The following POR variants were observed in gnomAD, a reference collection of about 807,000 sequenced individuals.
The protein encoded by POR is NADPH--cytochrome P450 reductase.
POR carries 56 observed loss-of-function variants against 84.0 expected under a neutral mutation model. The ratio of observed to expected loss-of-function variants is 0.67; its 90% CI spans 0.54 to 0.83. The LOEUF is 0.83. POR is among the 40% of genes least tolerant of loss of function. The pLI, the probability that POR is intolerant of heterozygous loss-of-function variation, is 0.00. For missense variants in POR, 938 were observed against 944.3 expected (o/e 0.99, Z 0.09); for synonymous variants, 414 against 400.5 (o/e 1.03, Z -0.40).
chr7:75,947,624 A>T (rs1787238927), intron 1 of POR, among the ~76,000 whole-genome samples: 1 of 152,088 alleles, frequency 6.6e-6, no homozygotes. Flanking sequence ...TTTGCGCTTA[A>T]ATGTTTTTGA....
At position 75,986,378 on chromosome 7, in the gene POR, A is replaced by G. The variant is rs1563436647; in HGVS notation, c.1940A>G (p.Tyr647Cys). 1 of 1,612,488 alleles carries G rather than the reference A, an allele frequency of 6.2e-7. No homozygotes were observed. The highest frequency in any genetic ancestry group is 1.1e-5 in the South Asian group (1 of 91,076). ...GCCAGGGATGTGCAGAACACCTTCTACGACATCGTGGCTGAGCTCGGGGCC... is the reference window on the plus strand; with the variant it reads ...GCCAGGGATGTGCAGAACACCTTCTGCGACATCGTGGCTGAGCTCGGGGCC... The change falls in exon 16 of 16, where the codon TAC becomes TGC. Residue 647 changes from tyrosine to cysteine, a missense_variant. Transcript: ENST00000461988.
In POR at chr7:75,956,915, G is replaced by A. The variant is rs572446345; in HGVS notation, c.188+2735G>A. On this transcript the variant is annotated intron_variant, in intron 2 of 15. Coordinates refer to ENST00000461988, the MANE Select transcript of POR (RefSeq NM_000941.3). ...TAATTTTTGTATTTTTAGTAGAGAC[G>A]GGGTTTCACCATGTTGGCCAGGCTG... Among the ~76,000 whole-genome samples the A allele has an allele frequency of 4.6e-5, 7 of 152,182 alleles. No homozygotes were observed. In the South Asian group the frequency reaches 1.0e-3, roughly 23 times the overall value.
Position 75,985,856 on chromosome 7 carries a change from G to A in POR, c.1669+7G>A, listed in dbSNP as rs782040780. ...GCCTGGCTGCGACAGCAGGGTGAGT[G>A]GGGTCCCATGGGGGAGAGGGGGTGA... is the stretch of plus-strand genomic sequence containing the variant. On this transcript the variant is annotated splice_region_variant and intron_variant, in intron 13 of 15. Coordinates refer to ENST00000461988, the MANE Select transcript of POR (RefSeq NM_000941.3). 1 of 1,549,018 alleles carries A rather than the reference G, an allele frequency of 6.5e-7. No individual in the cohort carries two copies. Among genetic ancestry groups the A allele is most frequent in the Non-Finnish European group, 8.7e-7 (1 of 1,143,882 alleles).
At position 75,980,345 on chromosome 7, in the gene POR, C is replaced by T. The variant is rs367952719; in HGVS notation, c.373C>T (p.Leu125=). Residue 125 remains leucine, a synonymous_variant, in exon 5 of 16, where the codon CTG becomes TTG. Transcript: ENST00000461988. ...CCTGTCCCTGTTTCTGCAGGCCGACCTGAGCAGCCTGCCAGAGATCGACAA... is the reference window on the plus strand; with the variant it reads ...CCTGTCCCTGTTTCTGCAGGCCGACTTGAGCAGCCTGCCAGAGATCGACAA... 3 of 1,612,616 alleles carry T rather than the reference C, an allele frequency of 1.9e-6. No individual in the cohort carries two copies. Among genetic ancestry groups the T allele is most frequent in the African/African-American group, 2.7e-5 (2 of 75,050 alleles).
Position 75,983,590 on chromosome 7 carries a change from C to A in POR, c.901C>A (p.Arg301Ser). 1 of 1,613,126 alleles carries A rather than the reference C, an allele frequency of 6.2e-7. No homozygotes were observed. The highest frequency in any genetic ancestry group is 8.5e-7 in the Non-Finnish European group (1 of 1,179,854). The stretch of plus-strand genomic sequence containing the variant: ...CCGGAAGCTGAACCAGGGAACCGAG[C>A]GCCACCTCATGCACCTGGAATTGGA... Residue 301 changes from arginine to serine, a missense_variant, in exon 9 of 16, where the codon CGC becomes AGC. Transcript: ENST00000461988.
chr7:75,952,114 G>A (rs1585103531), intron 1 of POR, among the ~76,000 whole-genome samples: 1 of 124,842 alleles, frequency 8.0e-6, no homozygotes. Context: ...CTCCCTCCCG[G>A]ACGGGGCAGC....
chr7:75,956,326 A>G (rs556658477), intron 2 of POR, among the ~76,000 whole-genome samples: 5 of 152,284 alleles, frequency 3.3e-5, no homozygotes, highest in Admixed American at 3.3e-4. Context: ...AACTGGGTTC[A>G]ATCTTATCTC....
At chr7:75,915,605 AC>A (rs1393116218) in intron 1 of POR, 11 of 152,232 alleles carry the variant, frequency 7.2e-5, no homozygotes, top group African/African-American at 2.7e-4. Context: ...TTCTGGGGGT[AC>A]CTAACGTGAG....
rs531698432 is a variant in POR, at chr7:75,924,839, A to G, written c.-5+9660A>G. Among the ~76,000 whole-genome samples the G allele has an allele frequency of 8.2e-4, 125 of 152,320 alleles. 1 individual carries two copies. Among genetic ancestry groups the G allele is most frequent in the African/African-American group, 2.9e-3 (119 of 41,572 alleles). ...TGGGTGTTTATGTCTCATGTAACCAACGTAGCACTGTGAGCATGGTCATCC... is the reference window on the plus strand; with the variant it reads ...TGGGTGTTTATGTCTCATGTAACCAGCGTAGCACTGTGAGCATGGTCATCC... On this transcript the variant is annotated intron_variant, in intron 1 of 15. Coordinates refer to ENST00000461988, the MANE Select transcript of POR (RefSeq NM_000941.3).
intron 1 of POR, among the ~76,000 whole-genome samples, chr7:75,922,506 G>T (rs1806929124): frequency 6.6e-6 from 1 of 151,856 alleles, no homozygotes; most frequent in African/African-American, 2.4e-5. Context: ...TGTAATTTTA[G>T]TACAGATGGG....
At chr7:75,972,736 G>A (rs1208355047) in intron 3 of POR, 8 of 525,884 alleles carry the variant, frequency 1.5e-5, no homozygotes, top group African/African-American at 7.7e-5. Flanking sequence ...AGCTTCTCCC[G>A]TCTGGCCCTG....
chr7:75,915,833 A>G (rs942102503), intron 1 of POR: 4 of 152,104 alleles, frequency 2.6e-5, no homozygotes, highest in African/African-American at 7.2e-5. Flanking sequence ...TAAGAGTTCA[A>G]GGTCTCTTGG....
At chr7:75,964,285 C>G (rs561523884) in intron 2 of POR, among the ~76,000 whole-genome samples, 6 of 152,266 alleles carry the variant, frequency 3.9e-5, no homozygotes, top group African/African-American at 1.2e-4. Flanking sequence ...CAGGCGTGAG[C>G]CACCATGCCC....
At chr7:75,923,978 G>A (rs1422198166) in intron 1 of POR, among the ~76,000 whole-genome samples, 1 of 152,186 alleles carries the variant, frequency 6.6e-6, no homozygotes, top group East Asian at 1.9e-4. Flanking sequence ...AAATTCCAGC[G>A]TTTTCTACGT....
At chr7:75,917,383 C>CTTTTTTTTT (rs373478392) in intron 1 of POR, among the ~76,000 whole-genome samples, 1 of 115,262 alleles carries the variant, frequency 8.7e-6, no homozygotes. Flanking sequence ...ATTTCTTCTT[C>CTTTTTTTTT]TTTTTTTTTT....
chr7:75,985,210 G>A lies in POR; in HGVS notation c.1398+3G>A. ...ACTCCATCGCCTCATCCTCCAAGGT[G>A]AGGGCCGGCACTGCCCTGCCAGCCA... On this transcript the variant is annotated splice_donor_region_variant and intron_variant, in intron 12 of 15. Coordinates refer to ENST00000461988, the MANE Select transcript of POR (RefSeq NM_000941.3). 6.3e-7 allele frequency: 1 copy of A among 1,586,352 alleles called. No homozygotes were observed. The highest frequency in any genetic ancestry group is 1.1e-5 in the South Asian group (1 of 90,116).
intron 1 of POR, among the ~76,000 whole-genome samples, chr7:75,953,318 AGGGG>A (rs1787536186): frequency 4.5e-4 from 4 of 8,820 alleles, no homozygotes; most frequent in African/African-American, 1.3e-3. Flanking sequence ...GGAAAGAGGG[AGGGG>A]GAGGGGGAGG....
intron 1 of POR, among the ~76,000 whole-genome samples, chr7:75,951,070 C>T (rs1368869477): frequency 3.8e-5 from 3 of 78,420 alleles, no homozygotes; most frequent in Non-Finnish European, 8.8e-5. Flanking sequence ...CGGCCCCCCC[C>T]CCCCCCGAAA....
chr7:75,957,853 G>T (rs1378639798), intron 2 of POR, among the ~76,000 whole-genome samples: 1 of 152,010 alleles, frequency 6.6e-6, no homozygotes, highest in South Asian at 2.1e-4. Context: ...TTACCTGTAC[G>T]CTGTACAAGA....
Sources: allele counts gnomAD v4.1 joint callset (sites outside exome capture counted in the v4.1 genomes callset), GRCh38; gene constraint gnomAD v4.1.1; transcripts MANE v1.5; gene names NCBI Gene and HGNC (gene_info 2026-07-23, HGNC 2026-07-21).